POFUT1: variants seen among roughly 807,000 people sequenced by gnomAD.
POFUT1 encodes the protein GDP-fucose protein O-fucosyltransferase 1.
A neutral mutation model predicts 42.4 loss-of-function variants in POFUT1; 16 were observed. That is an observed-to-expected ratio of 0.38 (90% CI 0.26 to 0.57). POFUT1 has a LOEUF of 0.57. Ranked by LOEUF, POFUT1 falls within the 20% of genes least tolerant of loss-of-function variation. POFUT1 has a pLI of 0.71. For synonymous variants in POFUT1, 206 were observed against 205.4 expected, an observed-to-expected ratio of 1.00 and a Z score of -0.03; for missense variants, 470 against 504.6, an observed-to-expected ratio of 0.93 and a Z score of 0.66.
chr20:32,234,991 A>AT lies in POFUT1; in HGVS notation c.*337dup, dbSNP rs1304355391. ...CTGGGATGCTGAACTCTTCAGAGAG[A>AT]TTTTTTTATAGAGAGATTTCTATAA... On this transcript the variant is annotated 3_prime_UTR_variant, in exon 7 of 7. Coordinates refer to ENST00000375749, the MANE Select transcript of POFUT1 (RefSeq NM_015352.2). The AT allele has an allele frequency of 4.6e-6, 1 of 218,166 alleles. No individual in the cohort carries two copies. The highest frequency in any genetic ancestry group is 9.0e-6 in the Non-Finnish European group (1 of 110,788). 13.5% of individuals were successfully genotyped at this position (218,166 alleles called of 1,614,324 possible).
Position 32,208,057 on chromosome 20 carries a change from C to G in POFUT1, c.116C>G (p.Pro39Arg). 1 of 1,557,782 alleles carries G rather than the reference C, an allele frequency of 6.4e-7. No individual in the cohort carries two copies. ...WDPAGYLLYC[P>R]CMGRFGNQAD... The stretch of plus-strand genomic sequence containing the variant: ...CCGGCCGGTTACCTGCTCTACTGCC[C>G]CTGCATGGGTAAGGCCTCCCAAGCC... Residue 39 changes from proline (P) to arginine (R), a missense_variant, in exon 1 of 7, where the codon CCC becomes CGC. By Grantham distance (103) the Pro-to-Arg change is moderately radical (BLOSUM62 -2). Transcript: ENST00000375749.
Position 32,210,145 on chromosome 20 carries a change from G to T in POFUT1, c.199G>T (p.Val67Phe). Residue 67 changes from valine to phenylalanine, a missense_variant, in exon 2 of 7, where the codon GTC (valine) becomes TTC (phenylalanine). Physicochemically the swap from Val to Phe is conservative, Grantham distance 50 (BLOSUM62 -1). Coordinates refer to ENST00000375749, the MANE Select transcript of POFUT1 (RefSeq NM_015352.2). ...FAKLLNRTLAVPPWIEYQHHK... is the reference protein window; with the variant it reads ...FAKLLNRTLAFPPWIEYQHHK... ...AAAGCTGCTAAACCGTACCTTGGCT[G>T]TCCCTCCTTGGATTGAGTACCAGCA... 6.2e-7 allele frequency: 1 copy of T among 1,614,112 alleles called. No individual in the cohort carries two copies. Among genetic ancestry groups the T allele is most frequent in the Non-Finnish European group, 8.5e-7 (1 of 1,179,976 alleles).
At chr20:32,209,995 C>T in intron 1 of POFUT1, 76 bp from the exon 2 acceptor site, 2 of 1,564,364 alleles carry the variant, frequency 1.3e-6, no homozygotes, top group Non-Finnish European at 8.8e-7. Flanking sequence ...CCTGGCTCCA[C>T]AACCTTTCTG....
chr20:32,222,708 C>G, intron 4 of POFUT1: 1 of 985,426 alleles, frequency 1.0e-6, no homozygotes. Context: ...CACGTGATTT[C>G]TGAGGATCCT....
Position 32,234,803 on chromosome 20 carries a change from A to T in POFUT1, c.*142A>T, listed in dbSNP as rs1000388757. The T allele has an allele frequency of 2.2e-5, 16 of 712,080 alleles. No homozygotes were observed. In the Admixed American group the frequency reaches 5.0e-4, roughly 22 times the overall value. The allele number at this position is 712,080 out of a possible 1,614,324, so 44.1% of individuals were successfully genotyped here. On this transcript the variant is annotated 3_prime_UTR_variant, in exon 7 of 7. Coordinates refer to ENST00000375749, the MANE Select transcript of POFUT1 (RefSeq NM_015352.2). ...CCAAAGATGGAGAAGAGTGCCAGGG[A>T]CCCCTCAAGGAGGGAGACGCTCCAT...
rs767489103 is a variant in POFUT1, at chr20:32,210,212, C to T, written c.246+20C>T. 1.9e-6 allele frequency: 3 copies of T among 1,613,974 alleles called. No individual in the cohort carries two copies. Among genetic ancestry groups the T allele is most frequent in the Admixed American group, 3.3e-5 (2 of 60,024 alleles). On this transcript the variant is annotated intron_variant, in intron 2 of 6. Transcript: ENST00000375749. The stretch of plus-strand genomic sequence containing the variant: ...ACCAACGTGAGTACTTCCCACTGAC[C>T]TTGGCCTTTCTCCGCCCTTTCTCAG...
chr20:32,227,589 C>G (rs2047421166), intron 4 of POFUT1, among the ~76,000 whole-genome samples: 1 of 152,160 alleles, frequency 6.6e-6, no homozygotes, highest in Non-Finnish European at 1.5e-5. Context: ...AGACACTATT[C>G]TGCGCATACT....
chr20:32,209,420 C>T (rs950451928), intron 1 of POFUT1, among the ~76,000 whole-genome samples: 5 of 152,198 alleles, frequency 3.3e-5, no homozygotes, highest in Non-Finnish European at 7.3e-5. Flanking sequence ...GCCTTAGGGG[C>T]AGAGGCCTTG....
At chr20:32,222,579 T>C in intron 4 of POFUT1, 1 of 985,108 alleles carries the variant, frequency 1.0e-6, no homozygotes, top group African/African-American at 1.7e-5. Flanking sequence ...TTCTTTTTCT[T>C]TCCCCCACCT....
At chr20:32,208,506 TG>T (rs1428361004) in intron 1 of POFUT1, among the ~76,000 whole-genome samples, 4 of 152,014 alleles carry the variant, frequency 2.6e-5, no homozygotes, top group African/African-American at 9.7e-5. Flanking sequence ...TCATTTTAGT[TG>T]GGGAAGACAA....
intron 4 of POFUT1, chr20:32,217,365 C>T: frequency 8.9e-7 from 1 of 1,117,804 alleles, no homozygotes; most frequent in Non-Finnish European, 1.1e-6. Flanking sequence ...CAGGAAAGAC[C>T]ATGGGCTTAG....
chr20:32,232,091 C>A (rs771530921), intron 6 of POFUT1, among the ~76,000 whole-genome samples: 14 of 152,192 alleles, frequency 9.2e-5, no homozygotes, highest in Non-Finnish European at 1.9e-4. Context: ...AGGGCCTCCC[C>A]TTCTCTTTCA....
chr20:32,222,155 T>A (rs376847263), intron 4 of POFUT1, among the ~76,000 whole-genome samples: 1 of 151,960 alleles, frequency 6.6e-6, no homozygotes, highest in Non-Finnish European at 1.5e-5. Context: ...AAAAAAAATT[T>A]AGCCGTGCAT....
chr20:32,237,542 A>T lies in POFUT1; in HGVS notation c.*2881A>T, dbSNP rs2047477881. On this transcript the variant is annotated 3_prime_UTR_variant, in exon 7 of 7. Transcript: ENST00000375749. ...GCAGCCAGGAGGCCAGCATGGCTGG[A>T]GAGGCAGGCATAGGCAGGGAACCGA... 4.3e-6 allele frequency: 1 copy of T among 235,152 alleles called. No homozygotes were observed. Among genetic ancestry groups the T allele is most frequent in the African/African-American group, 2.2e-5 (1 of 45,110 alleles). 14.6% of individuals were successfully genotyped at this position (235,152 alleles called of 1,614,324 possible). A position where few individuals can be genotyped will look rare whatever the true frequency, so the allele number is the denominator to read the frequency against.
chr20:32,217,091 C>T lies in POFUT1; in HGVS notation c.542+370C>T, dbSNP rs368226337. The T allele has an allele frequency of 2.7e-5, 44 of 1,607,988 alleles. 1 individual carries two copies. Among genetic ancestry groups the T allele is most frequent in the African/African-American group, 4.0e-5 (3 of 74,508 alleles). On this transcript the variant is annotated intron_variant, in intron 4 of 6. Coordinates refer to ENST00000375749, the MANE Select transcript of POFUT1 (RefSeq NM_015352.2). ...CTAGAGAACAGCTTCAGGTGCAGAC[C>T]GAGAAATGACGTCATCCTGATAATT... is the stretch of plus-strand genomic sequence containing the variant.
At chr20:32,229,049 G>A (rs571635137) in intron 5 of POFUT1, among the ~76,000 whole-genome samples, 1 of 152,262 alleles carries the variant, frequency 6.6e-6, no homozygotes, top group East Asian at 1.9e-4. Context: ...CAATTGATGA[G>A]GTAATCTTAC....
chr20:32,217,743 G>A (rs1159492490), intron 4 of POFUT1: 2 of 984,954 alleles, frequency 2.0e-6, no homozygotes, highest in Non-Finnish European at 2.4e-6. Context: ...TTACTCACAT[G>A]CTTTATTTTA....
At position 32,234,698 on chromosome 20, in the gene POFUT1, G is replaced by T; in HGVS notation, c.*37G>T. On this transcript the variant is annotated 3_prime_UTR_variant, in exon 7 of 7. Transcript: ENST00000375749. ...GCACCAGACCCTCTGATCCTGGAGGGACCAGAGTCTGAGCTGGTCCTTCCA... is the reference window on the plus strand; with the variant it reads ...GCACCAGACCCTCTGATCCTGGAGGTACCAGAGTCTGAGCTGGTCCTTCCA... 1 of 1,544,080 alleles carries T rather than the reference G, an allele frequency of 6.5e-7. No individual in the cohort carries two copies. The highest frequency in any genetic ancestry group is 8.8e-7 in the Non-Finnish European group (1 of 1,140,142).
At chr20:32,208,493 C>G (rs2047306731) in intron 1 of POFUT1, among the ~76,000 whole-genome samples, 1 of 151,928 alleles carries the variant, frequency 6.6e-6, no homozygotes, top group Non-Finnish European at 1.5e-5. Context: ...CCTTGTAGAG[C>G]CTTCATTTTA....
Sources: gnomAD v4.1 joint callset for allele counts (sites outside exome capture counted in the v4.1 genomes callset) on GRCh38, gnomAD v4.1.1 for gene constraint, MANE v1.5 for transcripts, NCBI Gene and HGNC (gene_info 2026-07-23, HGNC 2026-07-21) for gene names.